The following CHRNA10 variants were observed in gnomAD, a reference collection of about 807,000 sequenced individuals.
The protein encoded by CHRNA10 is cholinergic receptor nicotinic alpha 10 subunit, also known as neuronal acetylcholine receptor subunit alpha-10.
In CHRNA10, 31 loss-of-function variants were observed where a neutral mutation model predicts 36.0. That is an observed-to-expected ratio of 0.86 (90% CI 0.65 to 1.16). The LOEUF is 1.16. CHRNA10 is among the 50% of genes most tolerant of loss of function. The pLI is 0.00. For synonymous variants in CHRNA10, 302 were observed against 287.0 expected, an observed-to-expected ratio of 1.05 and a Z score of -0.53; for missense variants, 648 against 640.9, an observed-to-expected ratio of 1.01 and a Z score of -0.12.
At position 3,666,024 on chromosome 11, in the gene CHRNA10, A is replaced by G. The variant is rs549547097; in HGVS notation, c.*83T>C. 28 of 1,273,482 alleles carry G rather than the reference A, an allele frequency of 2.2e-5. No homozygotes were observed. The African/African-American group carries it at 3.3e-4, about 15-fold the overall frequency. The allele number at this position is 1,273,482 out of a possible 1,614,324, so 78.9% of individuals were successfully genotyped here. A position where few individuals can be genotyped will look rare whatever the true frequency, so the allele number is the denominator to read the frequency against. On this transcript the variant is annotated 3_prime_UTR_variant, in exon 5 of 5. Transcript: ENST00000250699. ...CAGTGGGGAGAGACTGGCTGGCCCA[A>G]AGACCAGCAACCACTTGGCCGTGGC... is the stretch of plus-strand genomic sequence containing the variant.
At chr11:3,668,873 C>G in intron 3 of CHRNA10, 2 of 241,256 alleles carry the variant, frequency 8.3e-6, no homozygotes, top group South Asian at 9.1e-5. Flanking sequence ...AGGAAAGAGA[C>G]CCTTACACAG....
rs770133301 is a variant in CHRNA10, at chr11:3,667,374, C to G, written c.753G>C (p.Ser251=). The G allele has an allele frequency of 1.2e-6, 2 of 1,601,606 alleles. No individual in the cohort carries two copies. Among genetic ancestry groups the G allele is most frequent in the African/African-American group, 1.3e-5 (1 of 74,836 alleles). Residue 251 remains serine (S), a synonymous_variant, in exon 4 of 5, where the codon TCG becomes TCC. Coordinates refer to ENST00000250699, the MANE Select transcript of CHRNA10 (RefSeq NM_020402.4). ...GGTGGAAGGCGAGCGGCGCAAGCAG[C>G]GAGATGAGCACGCAGGGCAGCAGCA... ...CNLLLPCVLI[S]LLAPLAFHLP... is the part of the protein sequence containing the mutation.
Position 3,669,848 on chromosome 11 carries a change from T to C in CHRNA10, c.155A>G (p.Asp52Gly). The change falls in exon 2 of 5, where the codon GAC (aspartate) becomes GGC (glycine). Residue 52 changes from aspartate to glycine, a missense_variant. Transcript: ENST00000250699. ...CTCCAGGGTCACATTCAGAGTCTGG[T>C]CTGTGTCTGCCACAGGTCTCAGGGC... Reference protein sequence around the residue: ...TSALRPVADTDQTLNVTLEVT... With the variant: ...TSALRPVADTGQTLNVTLEVT... 2 of 1,614,146 alleles carry C rather than the reference T, an allele frequency of 1.2e-6. No individual in the cohort carries two copies. The highest frequency in any genetic ancestry group is 2.2e-5 in the South Asian group (2 of 91,080).
chr11:3,668,812 C>T (rs185585579), intron 3 of CHRNA10: 9 of 162,276 alleles, frequency 5.5e-5, no homozygotes, highest in Non-Finnish European at 1.1e-4. Context: ...CTGGGAGACA[C>T]GGAACTGGTC....
In CHRNA10 at chr11:3,667,215, G is replaced by A. The variant is rs1287214195; in HGVS notation, c.895+17C>T. ...CCCCAGCGCATCGTCAGGTCCCCCC[G>A]CGCCCCCGCTGCTCACCGATGAGCG... On this transcript the variant is annotated intron_variant, in intron 4 of 4. Transcript: ENST00000250699. 3.4e-5 allele frequency: 52 copies of A among 1,545,672 alleles called. No individual in the cohort carries two copies. Among genetic ancestry groups the A allele is most frequent in the Non-Finnish European group, 4.1e-5 (47 of 1,153,540 alleles).
chr11:3,667,883 A>T, intron 3 of CHRNA10, 119 bp from the exon 4 acceptor site: 1 of 893,926 alleles, frequency 1.1e-6, no homozygotes, highest in Non-Finnish European at 1.6e-6. Context: ...TCCCCAGAAT[A>T]TTGAGGCTCG....
At chr11:3,670,820 A>G (rs1482771788) in intron 1 of CHRNA10, among the ~76,000 whole-genome samples, 13 of 152,124 alleles carry the variant, frequency 8.5e-5, no homozygotes, top group African/African-American at 3.1e-4. Context: ...TCTCCCCTCC[A>G]GGTCAGGGCC....
In CHRNA10 at chr11:3,667,196, C is replaced by T. The variant is rs375073911; in HGVS notation, c.895+36G>A. ...CGGCCCCGCCCTGGGGGGACCCCAG[C>T]GCATCGTCAGGTCCCCCCGCGCCCC... On this transcript the variant is annotated intron_variant, in intron 4 of 4. Coordinates refer to ENST00000250699, the MANE Select transcript of CHRNA10 (RefSeq NM_020402.4). The T allele has an allele frequency of 2.3e-4, 352 of 1,514,120 alleles. 1 individual carries two copies. The highest frequency in any genetic ancestry group is 8.9e-4 in the Admixed American group (44 of 49,228). The allele number at this position is 1,514,120 out of a possible 1,614,324, so 93.8% of individuals were successfully genotyped here. A position where few individuals can be genotyped will look rare whatever the true frequency, so the allele number is the denominator to read the frequency against.
Position 3,669,150 on chromosome 11 carries a change from A to G in CHRNA10, c.362+46T>C, listed in dbSNP as rs377733436. 34 of 1,579,294 alleles carry G rather than the reference A, an allele frequency of 2.2e-5. No individual in the cohort carries two copies. In the African/African-American group the frequency reaches 4.3e-4, roughly 20 times the overall value. On this transcript the variant is annotated intron_variant, in intron 3 of 4. Coordinates refer to ENST00000250699, the MANE Select transcript of CHRNA10 (RefSeq NM_020402.4). ...CACTACACCCCCACAGCTAAGGGCA[A>G]GTCTAGAGAGGGGTAAGAGAGAGGA...
rs55719530 is a variant in CHRNA10 at position 3,669,328 on chromosome 11, G to T, written c.230C>A (p.Thr77Asn). Residue 77 changes from threonine to asparagine, a missense_variant, in exon 3 of 5, where the codon ACC (threonine) becomes AAC (asparagine). By Grantham distance (65) the Thr-to-Asn change is moderately conservative (BLOSUM62 0). Transcript: ENST00000250699. ...IDMDERNQVL[T>N]LYLWIRQEWT... ...CTCCTGCCGTATCCACAGATACAGG[G>T]TCAGCACCTGGTTCCGTTCATCCTA... is the stretch of plus-strand genomic sequence containing the variant. The T allele has an allele frequency of 0.018, 28,613 of 1,613,832 alleles. 287 individuals are homozygous for T. Among genetic ancestry groups the T allele is most frequent in the Non-Finnish European group, 0.02 (23,186 of 1,179,800 alleles).
intron 4 of CHRNA10, 75 bp downstream of exon 4, chr11:3,667,157 C>T: frequency 1.4e-6 from 2 of 1,458,702 alleles, no homozygotes; most frequent in African/African-American, 1.4e-5. Context: ...GTTCCGCAGA[C>T]CCAGGCCCTG....
Position 3,667,420 on chromosome 11 carries a change from G to A in CHRNA10, c.707C>T (p.Ala236Val), listed in dbSNP as rs754915280. 1.9e-6 allele frequency: 3 copies of A among 1,596,910 alleles called. No individual in the cohort carries two copies. Reference sequence around the variant, plus strand: ...CAGCAGGTTGCACACGTAGGCGGCGGCGCGGCGGCGCAGCAGCAGCGTGAA... The same window carrying A: ...CAGCAGGTTGCACACGTAGGCGGCGACGCGGCGGCGCAGCAGCAGCGTGAA... ...VTFTLLLRRR[A>V]AAYVCNLLLP... The change falls in exon 4 of 5, where the codon GCC becomes GTC. Residue 236 changes from alanine to valine, a missense_variant. By Grantham distance (64) the Ala-to-Val change is moderately conservative. Transcript: ENST00000250699.
intron 3 of CHRNA10, chr11:3,668,636 G>T (rs556788262): frequency 6.6e-6 from 1 of 152,462 alleles, no homozygotes; most frequent in East Asian, 1.9e-4. Context: ...CCTGGAAGGG[G>T]TGGTGCCTGA....
In CHRNA10 at chr11:3,667,731, G is replaced by A. The variant is rs749437228; in HGVS notation, c.396C>T (p.Thr132=). ...CGCCATCGTGGCGCAGGACCACGTT[G>A]GTGCTGGCGGAACCTGGAGGCTGCG... The part of the protein sequence containing the change: ...ADAQPPGSAS[T]NVVLRHDGAV... Residue 132 remains threonine, a synonymous_variant, in exon 4 of 5, where the codon ACC becomes ACT. Transcript: ENST00000250699. 1 of 1,566,640 alleles carries A rather than the reference G, an allele frequency of 6.4e-7. No individual in the cohort carries two copies. The highest frequency in any genetic ancestry group is 2.3e-5 in the East Asian group (1 of 43,166).
intron 2 of CHRNA10, 135 bp downstream of exon 2, chr11:3,669,647 AGTACCCAACAGTTT>A: frequency 9.3e-7 from 1 of 1,076,510 alleles, no homozygotes; most frequent in South Asian, 1.3e-5. Context: ...CCCAACAGTC[AGTACCCAACAGTTT>A]GTAACTGCTA....
intron 2 of CHRNA10, 158 bp downstream of exon 2, chr11:3,669,638 C>A: frequency 9.9e-7 from 1 of 1,010,068 alleles, no homozygotes; most frequent in East Asian, 2.5e-5. Context: ...TACTCAGTAC[C>A]CAACAGTCAG....
At position 3,670,627 on chromosome 11, in the gene CHRNA10, C is replaced by T. The variant is rs138400036; in HGVS notation, c.61+625G>A. 2.6e-3 allele frequency among the ~76,000 whole-genome samples: 394 copies of T among 152,316 alleles called. 2 individuals are homozygous for T. Among genetic ancestry groups the T allele is most frequent in the African/African-American group, 8.9e-3 (371 of 41,564 alleles). On this transcript the variant is annotated intron_variant, in intron 1 of 4. Coordinates refer to ENST00000250699, the MANE Select transcript of CHRNA10 (RefSeq NM_020402.4). ...ATGCTCTGAAACCTGCTTCCTATCC[C>T]ATGTTCCCTATCTCAGCAAATAGCA...
Position 3,666,420 on chromosome 11 carries a change from C to T in CHRNA10, c.1040G>A (p.Gly347Asp). The T allele has an allele frequency of 6.2e-7, 1 of 1,613,988 alleles. No homozygotes were observed. Among genetic ancestry groups the T allele is most frequent in the Non-Finnish European group, 8.5e-7 (1 of 1,179,964 alleles). The change falls in exon 5 of 5, where the codon GGC becomes GAC. Residue 347 changes from glycine to aspartate, a missense_variant. Gly to Asp is a moderately conservative substitution (Grantham distance 94). Transcript: ENST00000250699. ...RALLLGHLAR[G>D]LCVRERGEPC... Reference sequence around the variant, plus strand: ...CTCCCCTCTTTCCCGCACGCACAGGCCCCGTGCCAGGTGTCCCAGCAGGAG... The same window carrying T: ...CTCCCCTCTTTCCCGCACGCACAGGTCCCGTGCCAGGTGTCCCAGCAGGAG...
At position 3,667,633 on chromosome 11, in the gene CHRNA10, G is replaced by A. The variant is rs1224999484; in HGVS notation, c.494C>T (p.Ala165Val). ...GCCGAACGTCAGGCCGCAGTGCTGG[G>A]CGTCGAACGGGAAGGCTGCTACATC... ...RVDVAAFPFD[A>V]QHCGLTFGSW... is the part of the protein sequence containing the mutation. The change falls in exon 4 of 5, where the codon GCC becomes GTC. Residue 165 changes from alanine (A) to valine (V), a missense_variant. Transcript: ENST00000250699. 1 of 1,557,376 alleles carries A rather than the reference G, an allele frequency of 6.4e-7. No homozygotes were observed. The highest frequency in any genetic ancestry group is 1.4e-5 in the African/African-American group (1 of 73,736).
Sources: gnomAD v4.1 joint callset for allele counts (sites outside exome capture counted in the v4.1 genomes callset) on GRCh38, gnomAD v4.1.1 for gene constraint, MANE v1.5 for transcripts, NCBI Gene and HGNC (gene_info 2026-07-23, HGNC 2026-07-21) for gene names.